COMMD10: variants seen among roughly 807,000 people sequenced by gnomAD.
The protein encoded by COMMD10 is COMM domain-containing protein 10.
Under a neutral mutation model 28.9 loss-of-function variants are expected in COMMD10, and 33 were observed. That is an observed-to-expected ratio of 1.14 (90% confidence interval 0.87 to 1.53). The LOEUF (loss-of-function observed/expected upper bound fraction) is 1.53, where lower values mean the gene tolerates loss of function less well. Among genes scored for constraint, COMMD10 ranks in the 40% most tolerant of loss-of-function variants. The pLI, the probability that COMMD10 is intolerant of heterozygous loss-of-function variation, is 0.00. For synonymous variants in COMMD10, 110 were observed against 81.7 expected (o/e 1.35, Z -1.87); for missense variants, 310 against 233.4 (o/e 1.33, Z -2.14).
chr5:116,258,329 T>C (rs1750346822), intron 5 of COMMD10, among the ~76,000 whole-genome samples: 1 of 151,804 alleles, frequency 6.6e-6, no homozygotes, highest in African/African-American at 2.4e-5. Flanking sequence ...TAGAATGCTT[T>C]TGTATTTTAA....
chr5:116,219,291 C>T (rs1749183104), intron 5 of COMMD10, among the ~76,000 whole-genome samples: 1 of 152,062 alleles, frequency 6.6e-6, no homozygotes. Flanking sequence ...CAGTTTTCTC[C>T]CTTTCCCTTC....
chr5:116,142,601 A>C (rs563774057), intron 5 of COMMD10, among the ~76,000 whole-genome samples: 1 of 151,932 alleles, frequency 6.6e-6, no homozygotes, highest in African/African-American at 2.4e-5. Context: ...CTAGAGAAAG[A>C]TATAACACTA....
At chr5:116,177,337 A>G (rs1376198744) in intron 5 of COMMD10, among the ~76,000 whole-genome samples, 1 of 152,144 alleles carries the variant, frequency 6.6e-6, no homozygotes, top group Non-Finnish European at 1.5e-5. Flanking sequence ...GTAAATGTAA[A>G]TGCTCTTTGC....
chr5:116,269,770 G>A (rs1039679784), intron 5 of COMMD10, among the ~76,000 whole-genome samples: 3 of 151,794 alleles, frequency 2.0e-5, no homozygotes, highest in Admixed American at 6.6e-5. Flanking sequence ...AGCCATCTTG[G>A]TTTGCTTACA....
At chr5:116,210,320 T>TTATA (rs143226891) in intron 5 of COMMD10, among the ~76,000 whole-genome samples, 4 of 150,320 alleles carry the variant, frequency 2.7e-5, no homozygotes, top group South Asian at 2.1e-4. Flanking sequence ...ATGTATGTAT[T>TTATA]TATATATATA....
intron 4 of COMMD10, among the ~76,000 whole-genome samples, chr5:116,126,624 A>G (rs562911508): frequency 7.3e-5 from 11 of 151,698 alleles, no homozygotes; most frequent in African/African-American, 2.4e-4. Flanking sequence ...AATACCACAC[A>G]TCTACAACCA....
rs1277040509 is a variant in COMMD10 at position 116,284,081 on chromosome 5, G to A, written c.511-7436G>A. The stretch of plus-strand genomic sequence containing the variant: ...AGTTAGTTCGAGGCTGCAGTGAGCT[G>A]TGATTATACCATTGCACTCCAGCCT... On this transcript the variant is annotated intron_variant, in intron 5 of 6. Transcript: ENST00000274458. Among the ~76,000 whole-genome samples, 2 of 151,820 alleles carry A rather than the reference G, an allele frequency of 1.3e-5. 1 individual carries two copies. The highest frequency in any genetic ancestry group is 4.9e-5 in the African/African-American group (2 of 41,134).
At position 116,087,490 on chromosome 5, in the gene COMMD10, T is replaced by C; in HGVS notation, c.42-7T>C. ...ATTTCAAAACTCTGTTTTATAATTT[T>C]GTTTAGCATGAAGAAAGCAGTGTCA... On this transcript the variant is annotated splice_region_variant and splice_polypyrimidine_tract_variant and intron_variant, in intron 1 of 6. Coordinates refer to ENST00000274458, the MANE Select transcript of COMMD10 (RefSeq NM_016144.4). The C allele has an allele frequency of 2.5e-6, 4 of 1,572,496 alleles. No homozygotes were observed. The highest frequency in any genetic ancestry group is 3.5e-6 in the Non-Finnish European group (4 of 1,142,144).
At chr5:116,246,358 A>G (rs1049725780) in intron 5 of COMMD10, among the ~76,000 whole-genome samples, 3 of 152,124 alleles carry the variant, frequency 2.0e-5, no homozygotes, top group Non-Finnish European at 2.9e-5. Flanking sequence ...AAAACATTTC[A>G]TGCTCATGAA....
At chr5:116,132,516 G>A (rs1416161131) in intron 4 of COMMD10, among the ~76,000 whole-genome samples, 2 of 152,116 alleles carry the variant, frequency 1.3e-5, no homozygotes, top group Non-Finnish European at 2.9e-5. Flanking sequence ...TGGGGTGTGA[G>A]TTTTAATTTA....
At position 116,197,776 on chromosome 5, in the gene COMMD10, A is replaced by G. The variant is rs1748567132; in HGVS notation, c.510+63598A>G. 2.0e-5 allele frequency among the ~76,000 whole-genome samples: 3 copies of G among 152,194 alleles called. No individual in the cohort carries two copies. The South Asian group carries it at 6.2e-4, about 31-fold the overall frequency. ...ACTGCAGTAAAGTGCAGATTAAAGT[A>G]TAGTTCCCTGTGAAATAGCCAGTTA... On this transcript the variant is annotated intron_variant, in intron 5 of 6. Transcript: ENST00000274458.
chr5:116,248,583 C>T lies in COMMD10; in HGVS notation c.511-42934C>T, dbSNP rs750888910. On this transcript the variant is annotated intron_variant, in intron 5 of 6. Transcript: ENST00000274458. ...AATTTGGTTTTGTTTTGTTTTAATA[C>T]ATTTGTCCTGGTCTAAAGACTTGCA... is the stretch of plus-strand genomic sequence containing the variant. Among the ~76,000 whole-genome samples the T allele has an allele frequency of 1.6e-4, 25 of 151,858 alleles. 1 individual carries two copies. Among genetic ancestry groups the T allele is most frequent in the Non-Finnish European group, 2.8e-4 (19 of 67,922 alleles).
intron 5 of COMMD10, among the ~76,000 whole-genome samples, chr5:116,151,027 C>T (rs79497054): frequency 0.49 from 73,444 of 148,696 alleles, 21,149 homozygotes; most frequent in Non-Finnish European, 0.65. Flanking sequence ...TTTTGAAATA[C>T]GTCCCATCAA....
At chr5:116,251,449 C>A in intron 5 of COMMD10, among the ~76,000 whole-genome samples, 1 of 131,376 alleles carries the variant, frequency 7.6e-6, no homozygotes. Context: ...CCCTTCCCCC[C>A]ACCACACAAC....
intron 4 of COMMD10, among the ~76,000 whole-genome samples, chr5:116,117,254 T>C (rs1212656647): frequency 1.3e-5 from 2 of 152,216 alleles, no homozygotes; most frequent in South Asian, 2.1e-4. Context: ...AGTCATTTTA[T>C]GGATATTATA....
rs1751287640 is a variant in COMMD10, at chr5:116,288,869, TCTC to T, written c.511-2647_511-2645del. On this transcript the variant is annotated intron_variant, in intron 5 of 6. Coordinates refer to ENST00000274458, the MANE Select transcript of COMMD10 (RefSeq NM_016144.4). The stretch of plus-strand genomic sequence containing the variant: ...ATTGTTTTCAATTGTTGGTGTTCTC[TCTC>T]TTTTTTTTTTTTTTTTTTTTTTTTT... Among the ~76,000 whole-genome samples, 6 of 137,488 alleles carry T rather than the reference TCTC, an allele frequency of 4.4e-5. No individual in the cohort carries two copies. The South Asian group carries it at 9.4e-4, about 22-fold the overall frequency. 90.2% of individuals were successfully genotyped at this position (137,488 alleles called of 152,430 possible).
intron 4 of COMMD10, among the ~76,000 whole-genome samples, chr5:116,109,213 T>C (rs1750956654): frequency 6.6e-6 from 1 of 152,238 alleles, no homozygotes. Flanking sequence ...CATTTGTTTG[T>C]GTCGTGTTCA....
At chr5:116,236,565 T>TA (rs1353182062) in intron 5 of COMMD10, among the ~76,000 whole-genome samples, 1 of 150,024 alleles carries the variant, frequency 6.7e-6, no homozygotes, top group Non-Finnish European at 1.5e-5. Context: ...GGAGACCCCT[T>TA]AAATACACAT....
At chr5:116,209,300 G>A (rs1748899759) in intron 5 of COMMD10, among the ~76,000 whole-genome samples, 1 of 152,008 alleles carries the variant, frequency 6.6e-6, no homozygotes, top group African/African-American at 2.4e-5. Flanking sequence ...TTGTAAATTT[G>A]GCACTTAATG....
Sources: allele counts gnomAD v4.1 joint callset (sites outside exome capture counted in the v4.1 genomes callset), GRCh38; gene constraint gnomAD v4.1.1; transcripts MANE v1.5; gene names NCBI Gene and HGNC (gene_info 2026-07-23, HGNC 2026-07-21).